ZNF341: variants seen among roughly 807,000 people sequenced by gnomAD.
The protein encoded by ZNF341 is zinc finger protein 341.
In ZNF341, 52 loss-of-function variants were observed where a neutral mutation model predicts 87.7. The ratio of observed to expected loss-of-function variants is 0.59; its 90% CI spans 0.47 to 0.75. The LOEUF is 0.75. Among genes scored for constraint, ZNF341 ranks in the 30% least tolerant of loss-of-function variants. The probability of loss-of-function intolerance (pLI) is 0.00; values close to 1 mark genes in which losing one functional copy is unlikely to be tolerated. For missense variants in ZNF341, 977 were observed against 1,145.9 expected, an observed-to-expected ratio of 0.85 and a Z score of 2.13; for synonymous variants, 459 against 472.7, an observed-to-expected ratio of 0.97 and a Z score of 0.38.
chr20:33,766,730 A>C, intron 8 of ZNF341, 121 bp from the exon 9 acceptor site: 1 of 1,045,814 alleles, frequency 9.6e-7, no homozygotes, highest in East Asian at 2.4e-5. Context: ...TTAAGCACAG[A>C]GTCTGACCCA....
At chr20:33,777,597 G>A (rs2019655080) in intron 10 of ZNF341, among the ~76,000 whole-genome samples, 1 of 149,420 alleles carries the variant, frequency 6.7e-6, no homozygotes, top group Admixed American at 6.7e-5. Flanking sequence ...TCGGGCCACT[G>A]CACTCCAGCC....
intron 9 of ZNF341, 32 bp from the exon 10 acceptor site, chr20:33,770,052 C>T (rs533197345): frequency 1.3e-6 from 2 of 1,544,550 alleles, no homozygotes; most frequent in Admixed American, 1.7e-5. Context: ...GCTCTCCTGC[C>T]TCCTGTCACC....
Position 33,732,174 on chromosome 20 carries a change from C to A in ZNF341, c.31+122C>A. On this transcript the variant is annotated intron_variant, in intron 1 of 14. Transcript: ENST00000375200. This position sits in a 1 kb window ranked among gnomAD's most constrained non-coding sequence, Gnocchi z 4.5. ...GGGGCGGAGGGCGCCGGGGCTGGAA[C>A]AGCCGCGGGGCGGGAGGGGCGCGGG... 2.5e-6 allele frequency: 2 copies of A among 794,270 alleles called. No homozygotes were observed. The highest frequency in any genetic ancestry group is 3.0e-6 in the Non-Finnish European group (2 of 656,184). The allele number at this position is 794,270 out of a possible 1,614,324, so 49.2% of individuals were successfully genotyped here. A position where few individuals can be genotyped will look rare whatever the true frequency, so the allele number is the denominator to read the frequency against.
chr20:33,774,909 AG>A (rs2019598940), intron 10 of ZNF341, among the ~76,000 whole-genome samples: 1 of 152,094 alleles, frequency 6.6e-6, no homozygotes. Flanking sequence ...GGCTGCAGTG[AG>A]CCGTGATCAT....
chr20:33,773,690 G>C (rs2019571059), intron 10 of ZNF341, among the ~76,000 whole-genome samples: 1 of 152,166 alleles, frequency 6.6e-6, no homozygotes, highest in South Asian at 2.1e-4. Flanking sequence ...CTCAATAAAT[G>C]TTATTGCTAC....
At position 33,748,922 on chromosome 20, in the gene ZNF341, G is replaced by T. The variant is rs1379151507; in HGVS notation, c.340-1G>T. The stretch of plus-strand genomic sequence containing the variant: ...CTCATTCTCTCTCTCCCACTGTCCA[G>T]ATCTCCACATACATCACAGTGCCCC... On this transcript the variant is annotated splice_acceptor_variant, in intron 3 of 14. Transcript: ENST00000375200. LOFTEE classifies it high-confidence loss of function. 6.2e-7 allele frequency: 1 copy of T among 1,612,184 alleles called. No individual in the cohort carries two copies. Among genetic ancestry groups the T allele is most frequent in the South Asian group, 1.1e-5 (1 of 90,884 alleles).
In ZNF341 at chr20:33,752,867, T is replaced by C. The variant is rs1213569435; in HGVS notation, c.490-305T>C. 2.0e-5 allele frequency among the ~76,000 whole-genome samples: 3 copies of C among 152,076 alleles called. No individual in the cohort carries two copies. In the East Asian group the frequency reaches 5.8e-4, roughly 30 times the overall value. On this transcript the variant is annotated intron_variant, in intron 4 of 14. Coordinates refer to ENST00000375200, the MANE Select transcript of ZNF341 (RefSeq NM_001282933.2). ...AGGGTTTCACCATTAGCCAAGGTTG[T>C]CTCGATCTCCTGACCTCGTGATCCG...
At chr20:33,757,455 A>T in intron 6 of ZNF341, 112 bp downstream of exon 6, 1 of 946,774 alleles carries the variant, frequency 1.1e-6, no homozygotes, top group East Asian at 3.2e-5. Flanking sequence ...ATGTAATAGA[A>T]AATTCAAAAT....
chr20:33,780,436 C>A (rs1203234182), intron 10 of ZNF341, among the ~76,000 whole-genome samples: 1 of 151,818 alleles, frequency 6.6e-6, no homozygotes, highest in Non-Finnish European at 1.5e-5. Flanking sequence ...GAGACAGAGT[C>A]TCACTCTGCC....
intron 7 of ZNF341, among the ~76,000 whole-genome samples, chr20:33,761,405 T>C (rs530869902): frequency 1.3e-5 from 2 of 152,122 alleles, no homozygotes; most frequent in African/African-American, 4.8e-5. Flanking sequence ...GCTGGGATTA[T>C]AGATGCACAC....
chr20:33,748,418 G>A (rs2122652972), intron 3 of ZNF341, among the ~76,000 whole-genome samples: 1 of 152,284 alleles, frequency 6.6e-6, no homozygotes, highest in South Asian at 2.1e-4. Context: ...ACTTTGCAGA[G>A]GGATGTGAGT....
At chr20:33,777,372 C>T (rs1401089135) in intron 10 of ZNF341, among the ~76,000 whole-genome samples, 1 of 143,054 alleles carries the variant, frequency 7.0e-6, no homozygotes, top group African/African-American at 2.6e-5. Flanking sequence ...CGGTGGCTCA[C>T]ACCTGTAATC....
intron 10 of ZNF341, among the ~76,000 whole-genome samples, chr20:33,773,571 C>A (rs1447755086): frequency 6.6e-6 from 1 of 152,156 alleles, no homozygotes; most frequent in African/African-American, 2.4e-5. Context: ...TCGGTTTTCT[C>A]CTCTGTGAAA....
intron 3 of ZNF341, among the ~76,000 whole-genome samples, chr20:33,745,916 G>T (rs1303275451): frequency 3.3e-5 from 5 of 150,994 alleles, no homozygotes; most frequent in African/African-American, 9.7e-5. Context: ...GGCAGATCGT[G>T]TAGGGTCTGG....
intron 10 of ZNF341, 51 bp downstream of exon 10, chr20:33,770,343 G>GGGGGGGGGGGC: frequency 3.9e-6 from 2 of 511,254 alleles, no homozygotes; most frequent in East Asian, 5.9e-5. Flanking sequence ...GGTGGGCAGG[G>GGGGGGGGGGGC]AGCCCAGGGC....
At chr20:33,772,127 G>A (rs1436648126) in intron 10 of ZNF341, among the ~76,000 whole-genome samples, 1 of 150,514 alleles carries the variant, frequency 6.6e-6, no homozygotes, top group Non-Finnish European at 1.5e-5. Context: ...GTTTTGCCAG[G>A]TCTTCCTTTG....
chr20:33,773,552 C>G (rs971973738), intron 10 of ZNF341, among the ~76,000 whole-genome samples: 34 of 152,190 alleles, frequency 2.2e-4, no homozygotes, highest in African/African-American at 8.2e-4. Flanking sequence ...TATTCAGCCA[C>G]TCTGAGCCTC....
At chr20:33,789,694 C>A in intron 14 of ZNF341, 106 bp downstream of exon 14, 1 of 1,248,052 alleles carries the variant, frequency 8.0e-7, no homozygotes, top group Non-Finnish European at 1.2e-6. Context: ...GGCTTGTTTT[C>A]CCTGCCTGGC....
intron 3 of ZNF341, among the ~76,000 whole-genome samples, chr20:33,748,526 C>T (rs1268913397): frequency 2.0e-5 from 3 of 151,902 alleles, no homozygotes; most frequent in Non-Finnish European, 4.4e-5. Flanking sequence ...AAAACCACAC[C>T]GGCTAATTTT....
Sources: gnomAD v4.1 joint callset for allele counts (sites outside exome capture counted in the v4.1 genomes callset) on GRCh38, gnomAD v4.1.1 for gene constraint, Gnocchi (gnomAD v3.1) non-coding constraint, MANE v1.5 for transcripts, NCBI Gene and HGNC (gene_info 2026-07-23, HGNC 2026-07-21) for gene names.